The following EPHX1 variants were observed in gnomAD, a reference collection of about 807,000 sequenced individuals.
The protein encoded by EPHX1 is epoxide hydratase.
In EPHX1, 40 loss-of-function variants were observed where a neutral mutation model predicts 43.2. That is an observed-to-expected ratio of 0.93 (90% CI 0.72 to 1.21). The LOEUF (loss-of-function observed/expected upper bound fraction) is 1.21. EPHX1 is among the 50% of genes most tolerant of loss of function. The probability of loss-of-function intolerance (pLI) is 0.00; values close to 1 mark genes in which losing one functional copy is unlikely to be tolerated. For synonymous variants in EPHX1, 221 were observed against 226.7 expected, an observed-to-expected ratio of 0.98 and a Z score of 0.22; for missense variants, 550 against 570.4, an observed-to-expected ratio of 0.96 and a Z score of 0.36.
At chr1:225,823,200 CTT>C (rs11331330) in intron 1 of EPHX1, among the ~76,000 whole-genome samples, 17,998 of 147,838 alleles carry the variant, frequency 0.12, 1,154 homozygotes, top group East Asian at 0.19. Context: ...CCCTTTATTA[CTT>C]TTTTTTTTTT....
At chr1:225,834,777 C>T (rs16845377) in intron 3 of EPHX1, among the ~76,000 whole-genome samples, 1,641 of 152,202 alleles carry the variant, frequency 0.011, 30 homozygotes, top group African/African-American at 0.038. Context: ...ATTCCTGGCA[C>T]GAAATTGCCT....
chr1:225,821,565 C>CTTTTTTT (rs869228485), intron 1 of EPHX1, among the ~76,000 whole-genome samples: 2 of 69,860 alleles, frequency 2.9e-5, no homozygotes, highest in East Asian at 5.1e-4. Context: ...TTTTTTGGTT[C>CTTTTTTT]TTTTTTTTTT....
intron 1 of EPHX1, among the ~76,000 whole-genome samples, chr1:225,820,297 C>T (rs1666926497): frequency 6.6e-6 from 1 of 152,086 alleles, no homozygotes; most frequent in Admixed American, 6.6e-5. Flanking sequence ...CCATGTTGGC[C>T]AGGCTGGTCT....
At chr1:225,841,812 C>T (rs2102771590) in intron 6 of EPHX1, among the ~76,000 whole-genome samples, 1 of 152,112 alleles carries the variant, frequency 6.6e-6, no homozygotes, top group South Asian at 2.1e-4. Context: ...CCATGTCAGC[C>T]AGGATAGTCT....
chr1:225,841,058 A>C (rs1255846249), intron 6 of EPHX1: 1 of 152,168 alleles, frequency 6.6e-6, no homozygotes, highest in Non-Finnish European at 1.5e-5. Flanking sequence ...TTTTGGTGAG[A>C]ATTTTCACAA....
At chr1:225,834,263 G>A (rs1476290229) in intron 3 of EPHX1, among the ~76,000 whole-genome samples, 1 of 151,750 alleles carries the variant, frequency 6.6e-6, no homozygotes, top group African/African-American at 2.4e-5. Flanking sequence ...AAATTAGCTG[G>A]GCATGGTGGC....
At chr1:225,825,984 G>A (rs749437823) in intron 1 of EPHX1, among the ~76,000 whole-genome samples, 6 of 152,212 alleles carry the variant, frequency 3.9e-5, no homozygotes, top group East Asian at 1.9e-4. Flanking sequence ...GAGACATAAC[G>A]TCTTTCTGGA....
At chr1:225,819,142 G>A (rs1666863739) in intron 1 of EPHX1, among the ~76,000 whole-genome samples, 1 of 41,170 alleles carries the variant, frequency 2.4e-5, no homozygotes, top group African/African-American at 7.7e-5. Flanking sequence ...CAGGAGAATG[G>A]CGTGAACCCG....
At chr1:225,826,447 CAA>C (rs374232833) in intron 1 of EPHX1, among the ~76,000 whole-genome samples, 6 of 84,176 alleles carry the variant, frequency 7.1e-5, no homozygotes, top group African/African-American at 1.5e-4. Context: ...GACTCTGTCT[CAA>C]AAAAAAAAAA....
intron 4 of EPHX1, 103 bp from the exon 5 acceptor site, chr1:225,839,114 C>T: frequency 2.5e-6 from 4 of 1,578,476 alleles, no homozygotes; most frequent in African/African-American, 1.3e-5. Flanking sequence ...CTGACCTCCA[C>T]CTGGGGGTAG....
chr1:225,841,795 G>T (rs1025628943), intron 6 of EPHX1, among the ~76,000 whole-genome samples: 1 of 151,430 alleles, frequency 6.6e-6, no homozygotes. Context: ...ATAGAGATGG[G>T]GTTTCACCAT....
intron 1 of EPHX1, among the ~76,000 whole-genome samples, chr1:225,819,037 C>A (rs922670593): frequency 6.8e-6 from 1 of 148,120 alleles, no homozygotes; most frequent in African/African-American, 2.5e-5. Context: ...ACCATCCTGG[C>A]CAATATGGTG....
Position 225,831,912 on chromosome 1 carries a change from A to G in EPHX1, c.317A>G (p.Gln106Arg). 1 of 1,614,212 alleles carries G rather than the reference A, an allele frequency of 6.2e-7. No homozygotes were observed. Among genetic ancestry groups the G allele is most frequent in the Non-Finnish European group, 8.5e-7 (1 of 1,180,042 alleles). ...CGGAATGAATTTGACTGGAAGAAGC[A>G]GGTGGAGATTCTCAACAGATACCCT... is the stretch of plus-strand genomic sequence containing the variant. ...YWRNEFDWKKQVEILNRYPHF... is the reference protein window; with the variant it reads ...YWRNEFDWKKRVEILNRYPHF... The change falls in exon 3 of 9, where the codon CAG (glutamine) becomes CGG (arginine). Residue 106 changes from glutamine (Q) to arginine (R), a missense_variant. Transcript: ENST00000272167.
chr1:225,814,853 A>G (rs1210687141), intron 1 of EPHX1, among the ~76,000 whole-genome samples: 1 of 152,234 alleles, frequency 6.6e-6, no homozygotes, highest in African/African-American at 2.4e-5. Context: ...AGAACTGGTG[A>G]GACTTGGCTA....
rs1055305159 is a variant in EPHX1 at position 225,825,892 on chromosome 1, T to C, written c.-5-2833T>C. Among the ~76,000 whole-genome samples the C allele has an allele frequency of 2.6e-5, 4 of 152,378 alleles. No homozygotes were observed. In the East Asian group the frequency reaches 7.7e-4, roughly 29 times the overall value. On this transcript the variant is annotated intron_variant, in intron 1 of 8. Coordinates refer to ENST00000272167, the MANE Select transcript of EPHX1 (RefSeq NM_001136018.4). ...ACGCTCCCATGTGTCTCCCAGTCCCTAACCCCTAGTCCTGCTTTCAATACC... is the reference window on the plus strand; with the variant it reads ...ACGCTCCCATGTGTCTCCCAGTCCCCAACCCCTAGTCCTGCTTTCAATACC...
intron 3 of EPHX1, among the ~76,000 whole-genome samples, chr1:225,835,038 G>A (rs530697035): frequency 6.6e-6 from 1 of 152,172 alleles, no homozygotes; most frequent in Non-Finnish European, 1.5e-5. Flanking sequence ...GTGAGGGAAG[G>A]CTTCCTGGAG....
At chr1:225,833,341 T>C (rs376077039) in intron 3 of EPHX1, among the ~76,000 whole-genome samples, 1 of 152,198 alleles carries the variant, frequency 6.6e-6, no homozygotes, top group Admixed American at 6.5e-5. Flanking sequence ...AAAAAGGAAA[T>C]TGAAATTATA....
intron 3 of EPHX1, among the ~76,000 whole-genome samples, chr1:225,834,103 A>AG (rs1276949231): frequency 1.4e-5 from 1 of 72,776 alleles, no homozygotes; most frequent in Non-Finnish European, 2.8e-5. Context: ...GTCTCAAAAA[A>AG]AAAAAAAAGA....
chr1:225,816,698 C>G (rs1268500487), intron 1 of EPHX1, among the ~76,000 whole-genome samples: 1 of 152,230 alleles, frequency 6.6e-6, no homozygotes, highest in Admixed American at 6.5e-5. Context: ...CTCTCCAGAC[C>G]CTCCACAGCA....
Sources: allele counts gnomAD v4.1 joint callset (sites outside exome capture counted in the v4.1 genomes callset), GRCh38; gene constraint gnomAD v4.1.1; transcripts MANE v1.5; gene names NCBI Gene and HGNC (gene_info 2026-07-23, HGNC 2026-07-21).